ANKRD16: variants seen among roughly 807,000 people sequenced by gnomAD.
The protein encoded by ANKRD16 is ankyrin repeat domain-containing protein 16.
ANKRD16 carries 35 observed loss-of-function variants against 37.9 expected under a neutral mutation model. The observed-to-expected ratio is 0.92, with a 90% CI of 0.71 to 1.23. ANKRD16 has a LOEUF of 1.23. Ranked by LOEUF, ANKRD16 falls within the 50% of genes most tolerant of loss-of-function variation. The pLI, the probability that ANKRD16 is intolerant of heterozygous loss-of-function variation, is 0.00. For synonymous variants in ANKRD16, 206 were observed against 197.2 expected (o/e 1.04, Z -0.37); for missense variants, 480 against 469.9 (o/e 1.02, Z -0.20).
chr10:5,887,708 C>CCCCCCACCCG (rs1433532977), intron 2 of ANKRD16, 139 bp downstream of exon 2: 1 of 194,012 alleles, frequency 5.2e-6, no homozygotes, highest in Non-Finnish European at 1.0e-5. Flanking sequence ...CCCTCCCCCC[C>CCCCCCACCCG]AGATGTTCTT....
rs531340060 is a variant in ANKRD16 at position 5,868,570 on chromosome 10, G to C, written c.*34-5879C>G. On this transcript the variant is annotated intron_variant, in intron 7 of 7. Coordinates refer to ENST00000380094, the MANE Select transcript of ANKRD16 (RefSeq NM_019046.3). The surrounding 1 kb of genome is among the most constrained non-coding windows in gnomAD (Gnocchi z 4.9). ...TTGTAAACACACCAATCAGCACTCT[G>C]TAAAATGGACCAATCAGCAGGATGT... Among the ~76,000 whole-genome samples the C allele has an allele frequency of 2.0e-5, 3 of 152,308 alleles. No individual in the cohort carries two copies. Among genetic ancestry groups the C allele is most frequent in the African/African-American group, 7.2e-5 (3 of 41,562 alleles).
intron 7 of ANKRD16, among the ~76,000 whole-genome samples, chr10:5,876,575 G>A (rs1842189320): frequency 6.6e-6 from 1 of 152,206 alleles, no homozygotes; most frequent in Admixed American, 6.5e-5. Context: ...AGTGCAGATG[G>A]AGAGTGTGTA....
chr10:5,884,567 C>T (rs1268590972), intron 3 of ANKRD16, among the ~76,000 whole-genome samples: 3 of 151,898 alleles, frequency 2.0e-5, no homozygotes, highest in African/African-American at 7.3e-5. Flanking sequence ...CCCGTCTCTA[C>T]CAAAAATATA....
At chr10:5,872,134 T>C (rs1842099576) in intron 7 of ANKRD16, among the ~76,000 whole-genome samples, 1 of 151,830 alleles carries the variant, frequency 6.6e-6, no homozygotes, top group Non-Finnish European at 1.5e-5. Context: ...AAGACGGCCA[T>C]GAAACACGAC....
Position 5,870,071 on chromosome 10 carries a change from T to C in ANKRD16, c.*34-7380A>G, listed in dbSNP as rs1842064036. 6.6e-6 allele frequency among the ~76,000 whole-genome samples: 1 copy of C among 152,076 alleles called. No individual in the cohort carries two copies. The highest frequency in any genetic ancestry group is 2.1e-4 in the South Asian group (1 of 4,822). Reference sequence around the variant, plus strand: ...TTGCTTCGTACAGACATTAGACTCATTCCTCCTCCTCACTTTCTGTTGGAC... The same window carrying C: ...TTGCTTCGTACAGACATTAGACTCACTCCTCCTCCTCACTTTCTGTTGGAC... On this transcript the variant is annotated intron_variant, in intron 7 of 7. Coordinates refer to ENST00000380094, the MANE Select transcript of ANKRD16 (RefSeq NM_019046.3). This position sits in a 1 kb window ranked among gnomAD's most constrained non-coding sequence, Gnocchi z 5.0.
chr10:5,885,383 T>C (rs546056401), intron 3 of ANKRD16, among the ~76,000 whole-genome samples: 6 of 152,194 alleles, frequency 3.9e-5, no homozygotes, highest in East Asian at 3.9e-4. Context: ...AGGGTTTCGC[T>C]GTGTTAGCCA....
At position 5,868,587 on chromosome 10, in the gene ANKRD16, G is replaced by A. The variant is rs1322620907; in HGVS notation, c.*34-5896C>T. 1.3e-5 allele frequency among the ~76,000 whole-genome samples: 2 copies of A among 152,194 alleles called. No individual in the cohort carries two copies. Among genetic ancestry groups the A allele is most frequent in the East Asian group, 1.9e-4 (1 of 5,198 alleles). On this transcript the variant is annotated intron_variant, in intron 7 of 7. Coordinates refer to ENST00000380094, the MANE Select transcript of ANKRD16 (RefSeq NM_019046.3). This position sits in a 1 kb window ranked among gnomAD's most constrained non-coding sequence, Gnocchi z 4.9. Reference sequence around the variant, plus strand: ...AGCACTCTGTAAAATGGACCAATCAGCAGGATGTGGGTGGGGACAAGTAAG... The same window carrying A: ...AGCACTCTGTAAAATGGACCAATCAACAGGATGTGGGTGGGGACAAGTAAG...
At chr10:5,885,914 C>A (rs543838125) in intron 2 of ANKRD16, 149 bp from the exon 3 acceptor site, 6 of 702,598 alleles carry the variant, frequency 8.5e-6, no homozygotes, top group South Asian at 1.9e-5. Context: ...CCGCCCTACA[C>A]GAATAAATAT....
chr10:5,880,303 C>T lies in ANKRD16; in HGVS notation c.923G>A (p.Arg308Gln), dbSNP rs942443378. ...TATATAAAATTAAACGGTACCTGATCGATTTTTTTCATCTTTAGAATTGAT... is the reference window on the plus strand; with the variant it reads ...TATATAAAATTAAACGGTACCTGATTGATTTTTTTCATCTTTAGAATTGAT... ...ADINSKDEKN[R>Q]SALHLACAGQ... is the part of the protein sequence containing the mutation. Residue 308 changes from arginine to glutamine, a missense_variant, in exon 6 of 8, where the codon CGA (arginine) becomes CAA (glutamine). Coordinates refer to ENST00000380094, the MANE Select transcript of ANKRD16 (RefSeq NM_019046.3). 12 of 1,587,510 alleles carry T rather than the reference C, an allele frequency of 7.6e-6. No individual in the cohort carries two copies. Among genetic ancestry groups the T allele is most frequent in the South Asian group, 4.5e-5 (4 of 88,020 alleles).
At position 5,870,086 on chromosome 10, in the gene ANKRD16, TTC is replaced by T. The variant is rs1371806822; in HGVS notation, c.*34-7397_*34-7396del. Among the ~76,000 whole-genome samples, 1 of 152,048 alleles carries T rather than the reference TTC, an allele frequency of 6.6e-6. No homozygotes were observed. Among genetic ancestry groups the T allele is most frequent in the African/African-American group, 2.4e-5 (1 of 41,382 alleles). On this transcript the variant is annotated intron_variant, in intron 7 of 7. Coordinates refer to ENST00000380094, the MANE Select transcript of ANKRD16 (RefSeq NM_019046.3). This position sits in a 1 kb window ranked among gnomAD's most constrained non-coding sequence, Gnocchi z 5.0. The stretch of plus-strand genomic sequence containing the variant: ...ATTAGACTCATTCCTCCTCCTCACT[TTC>T]TGTTGGACCATTCTCTCAGCAATCT...
Position 5,880,324 on chromosome 10 carries a change from T to G in ANKRD16, c.902A>C (p.Asn301Thr), listed in dbSNP as rs766532561. Residue 301 changes from asparagine (N) to threonine (T), a missense_variant, in exon 6 of 8, where the codon AAT becomes ACT. By Grantham distance (65) the Asn-to-Thr change is moderately conservative. Coordinates refer to ENST00000380094, the MANE Select transcript of ANKRD16 (RefSeq NM_019046.3). The stretch of plus-strand genomic sequence containing the variant: ...TGATCGATTTTTTTCATCTTTAGAA[T>G]TGATGTCAGCTCCCAAGGATAAGAG... ...QTLLSLGADI[N>T]SKDEKNRSAL... 1 of 1,604,162 alleles carries G rather than the reference T, an allele frequency of 6.2e-7. No individual in the cohort carries two copies. The highest frequency in any genetic ancestry group is 8.5e-7 in the Non-Finnish European group (1 of 1,176,240).
At position 5,883,441 on chromosome 10, in the gene ANKRD16, G is replaced by A. The variant is rs539213221; in HGVS notation, c.688-274C>T. Among the ~76,000 whole-genome samples, 28 of 152,294 alleles carry A rather than the reference G, an allele frequency of 1.8e-4. 1 individual carries two copies. The highest frequency in any genetic ancestry group is 9.2e-4 in the Admixed American group (14 of 15,292). On this transcript the variant is annotated intron_variant, in intron 4 of 7. Coordinates refer to ENST00000380094, the MANE Select transcript of ANKRD16 (RefSeq NM_019046.3). ...CGAGTCTCTTGCTTCAGCCTCAGGT[G>A]TGTGCCACCACACCTGGCTAATTTT...
In ANKRD16 at chr10:5,865,782, C is replaced by T. The variant is rs1167026179; in HGVS notation, c.*34-3091G>A. Among the ~76,000 whole-genome samples, 1 of 152,166 alleles carries T rather than the reference C, an allele frequency of 6.6e-6. No individual in the cohort carries two copies. Among genetic ancestry groups the T allele is most frequent in the African/African-American group, 2.4e-5 (1 of 41,440 alleles). ...GGGGAACGAGTTACTGATTTGTTGT[C>T]CCCTGCTTGAGGAGGGAATCAACCC... On this transcript the variant is annotated intron_variant, in intron 7 of 7. Transcript: ENST00000380094. The surrounding 1 kb of genome is among the most constrained non-coding windows in gnomAD (Gnocchi z 4.7).
At chr10:5,886,098 G>T (rs983168018) in intron 2 of ANKRD16, among the ~76,000 whole-genome samples, 4 of 152,156 alleles carry the variant, frequency 2.6e-5, no homozygotes, top group African/African-American at 7.2e-5. Flanking sequence ...GCAAAATATT[G>T]TAACAGTAAT....
rs1315652735 is a variant in ANKRD16, at chr10:5,871,103, G to T, written c.*33+6994C>A. ...TCCTTCTCAGTAAAAATCATGTCAC[G>T]CAGCCAGGCTTGGTGGTTCACGCCT... is the stretch of plus-strand genomic sequence containing the variant. On this transcript the variant is annotated intron_variant, in intron 7 of 7. Transcript: ENST00000380094. The surrounding 1 kb of genome is among the most constrained non-coding windows in gnomAD (Gnocchi z 4.5). Among the ~76,000 whole-genome samples, 1 of 152,048 alleles carries T rather than the reference G, an allele frequency of 6.6e-6. No homozygotes were observed. Among genetic ancestry groups the T allele is most frequent in the Non-Finnish European group, 1.5e-5 (1 of 68,010 alleles).
intron 1 of ANKRD16, among the ~76,000 whole-genome samples, 188 bp from the exon 2 acceptor site, chr10:5,888,255 T>C (rs1473630430): frequency 6.6e-6 from 1 of 152,054 alleles, no homozygotes; most frequent in East Asian, 1.9e-4. Flanking sequence ...GGAGAAATAA[T>C]AAGGGGAAAA....
At chr10:5,872,458 G>A (rs1429015506) in intron 7 of ANKRD16, among the ~76,000 whole-genome samples, 1 of 152,086 alleles carries the variant, frequency 6.6e-6, no homozygotes, top group Non-Finnish European at 1.5e-5. Flanking sequence ...CGGCCTGGGT[G>A]ACACAGCAAG....
Position 5,864,076 on chromosome 10 carries a change from G to A in ANKRD16, c.*34-1385C>T, listed in dbSNP as rs1841980633. Among the ~76,000 whole-genome samples, 3 of 152,228 alleles carry A rather than the reference G, an allele frequency of 2.0e-5. No individual in the cohort carries two copies. Among genetic ancestry groups the A allele is most frequent in the Middle Eastern group, 6.8e-3 (2 of 294 alleles). On this transcript the variant is annotated intron_variant, in intron 7 of 7. Coordinates refer to ENST00000380094, the MANE Select transcript of ANKRD16 (RefSeq NM_019046.3). The surrounding 1 kb of genome is among the most constrained non-coding windows in gnomAD (Gnocchi z 4.4). Reference sequence around the variant, plus strand: ...GGGGAAAAATGGCCACCTGAGGGAAGTATAAATTACAATACTATCCTGCAG... The same window carrying A: ...GGGGAAAAATGGCCACCTGAGGGAAATATAAATTACAATACTATCCTGCAG...
chr10:5,888,303 T>C (rs532542547), intron 1 of ANKRD16, among the ~76,000 whole-genome samples: 25 of 152,260 alleles, frequency 1.6e-4, no homozygotes, highest in Admixed American at 7.9e-4. Context: ...AGAGGGTGCC[T>C]GGGAGACAAA....
Sources: allele counts gnomAD v4.1 joint callset (sites outside exome capture counted in the v4.1 genomes callset), GRCh38; gene constraint gnomAD v4.1.1; non-coding constraint Gnocchi (gnomAD v3.1); transcripts MANE v1.5; gene names NCBI Gene and HGNC (gene_info 2026-07-23, HGNC 2026-07-21).